CLCN1: variants seen among roughly 807,000 people sequenced by gnomAD.
CLCN1 encodes chloride voltage-gated channel 1.
A neutral mutation model predicts 114.5 loss-of-function variants in CLCN1; 100 were observed. The observed-to-expected ratio is 0.87, with a 90% confidence interval of 0.74 to 1.03. The LOEUF (loss-of-function observed/expected upper bound fraction) is 1.03. Ranked by LOEUF, CLCN1 falls within the 50% of genes least tolerant of loss-of-function variation. CLCN1 has a pLI of 0.00. For synonymous variants in CLCN1, 485 were observed against 487.1 expected, an observed-to-expected ratio of 1.00 and a Z score of 0.06; for missense variants, 1,188 against 1,250.0, an observed-to-expected ratio of 0.95 and a Z score of 0.75.
chr7:143,343,479 T>C (rs1803141148), intron 16 of CLCN1, among the ~76,000 whole-genome samples: 2 of 152,238 alleles, frequency 1.3e-5, no homozygotes, highest in Non-Finnish European at 2.9e-5. Flanking sequence ...TCTTTGTTGC[T>C]CTTTGCATGT....
rs139659129 is a variant in CLCN1 at position 143,351,832 on chromosome 7, G to T, written c.2834G>T (p.Gly945Val). The T allele has an allele frequency of 1.7e-4, 271 of 1,613,954 alleles. 1 individual carries two copies. In the African/African-American group the frequency reaches 2.9e-3, roughly 17 times the overall value. The change falls in exon 23 of 23, where the codon GGC becomes GTC. Residue 945 changes from glycine (G) to valine (V), a missense_variant. Physicochemically the swap from Gly to Val is moderately radical, Grantham distance 109. Transcript: ENST00000343257. ...SPEPPLSLAP[G>V]KVEGELEELE... The stretch of plus-strand genomic sequence containing the variant: ...GAGCCCCCTCTCTCCCTGGCCCCAG[G>T]CAAGGTAGAGGGCGAGTTGGAGGAG...
chr7:143,346,956 A>G lies in CLCN1; in HGVS notation c.2403+7A>G. The stretch of plus-strand genomic sequence containing the variant: ...TAACATGTCACCTGAAGAGGTGAGT[A>G]AGGGAAATGGAAACCTGGGGTGGAT... On this transcript the variant is annotated splice_region_variant and intron_variant, in intron 20 of 22. Coordinates refer to ENST00000343257, the MANE Select transcript of CLCN1 (RefSeq NM_000083.3). 1 of 1,610,420 alleles carries G rather than the reference A, an allele frequency of 6.2e-7. No individual in the cohort carries two copies. The highest frequency in any genetic ancestry group is 1.1e-5 in the South Asian group (1 of 90,996).
In CLCN1 at chr7:143,316,265, G is replaced by A. The variant is rs774525961; in HGVS notation, c.53G>A (p.Ser18Asn). The A allele has an allele frequency of 1.2e-6, 2 of 1,613,158 alleles. No homozygotes were observed. Among genetic ancestry groups the A allele is most frequent in the Non-Finnish European group, 1.7e-6 (2 of 1,179,330 alleles). ...GGGGGTGAACAAAGCTGGTGGGGTA[G>A]TGACCCCCAGTACCAGTATATGCCC... Reference protein sequence around the residue: ...QRGGEQSWWGSDPQYQYMPFE... With the variant: ...QRGGEQSWWGNDPQYQYMPFE... The change falls in exon 1 of 23, where the codon AGT becomes AAT. Residue 18 changes from serine to asparagine, a missense_variant. By Grantham distance (46) the Ser-to-Asn change is conservative (BLOSUM62 1). Transcript: ENST00000343257.
At chr7:143,346,334 A>G in intron 18 of CLCN1, 83 bp downstream of exon 18, 3 of 694,174 alleles carry the variant, frequency 4.3e-6, no homozygotes, top group South Asian at 1.4e-5. Context: ...CCTGCATGCA[A>G]TTCCTATGCG....
At position 143,334,199 on chromosome 7, in the gene CLCN1, G is replaced by T. The variant is rs144640236; in HGVS notation, c.1401+1326G>T. 3.0e-3 allele frequency among the ~76,000 whole-genome samples: 442 copies of T among 149,188 alleles called. 2 individuals carry two copies. The highest frequency in any genetic ancestry group is 0.01 in the Middle Eastern group (3 of 286). Reference sequence around the variant, plus strand: ...TTGCACTCCAGCCTGGGCGACAAGGGCAACACTCCTCAAGAAAAAAAAAAA... The same window carrying T: ...TTGCACTCCAGCCTGGGCGACAAGGTCAACACTCCTCAAGAAAAAAAAAAA... On this transcript the variant is annotated intron_variant, in intron 12 of 22. Transcript: ENST00000343257.
Position 143,324,361 on chromosome 7 carries a change from C to T in CLCN1, c.775-53C>T, listed in dbSNP as rs1802524653. The T allele has an allele frequency of 1.5e-6, 2 of 1,359,940 alleles. No homozygotes were observed. Among genetic ancestry groups the T allele is most frequent in the African/African-American group, 1.4e-5 (1 of 69,760 alleles). The allele number at this position is 1,359,940 out of a possible 1,614,324, so 84.2% of individuals were successfully genotyped here. ...CATCCCTGCTTGTTCTGTCCTCTGC[C>T]TGCCCACCTCCCTCTCTTCCACCTG... On this transcript the variant is annotated intron_variant, in intron 6 of 22. Coordinates refer to ENST00000343257, the MANE Select transcript of CLCN1 (RefSeq NM_000083.3). The surrounding 1 kb of genome is among the most constrained non-coding windows in gnomAD (Gnocchi z 4.6).
chr7:143,351,634 A>G lies in CLCN1; in HGVS notation c.2636A>G (p.Gln879Arg). The G allele has an allele frequency of 6.2e-7, 1 of 1,614,100 alleles. No individual in the cohort carries two copies. The highest frequency in any genetic ancestry group is 8.5e-7 in the Non-Finnish European group (1 of 1,180,016). The change falls in exon 23 of 23, where the codon CAG (glutamine) becomes CGG (arginine). Residue 879 changes from glutamine to arginine, a missense_variant. Transcript: ENST00000343257. ...GAGGGGCACACCAAGTCTGGGGTGC[A>G]GCTCCGCCCTCCCCTTGCCAGCTTC... ...AIEGHTKSGVQLRPPLASFRN... is the reference protein window; with the variant it reads ...AIEGHTKSGVRLRPPLASFRN...
At position 143,316,370 on chromosome 7, in the gene CLCN1, G is replaced by A. The variant is rs750107386; in HGVS notation, c.158G>A (p.Arg53His). 1.2e-5 allele frequency: 19 copies of A among 1,612,912 alleles called. No individual in the cohort carries two copies. Among genetic ancestry groups the A allele is most frequent in the African/African-American group, 2.7e-5 (2 of 74,902 alleles). ...QHRLRKDAGP[R>H]HNVHPTQIYG... ...AGGCTCCGGAAGGATGCAGGCCCCC[G>A]CCACAACGTCCACCCCACACAGGTA... The change falls in exon 1 of 23, where the codon CGC becomes CAC. Residue 53 changes from arginine to histidine, a missense_variant. Transcript: ENST00000343257.
At chr7:143,344,940 G>C (rs1469992751) in intron 16 of CLCN1, among the ~76,000 whole-genome samples, 1 of 151,490 alleles carries the variant, frequency 6.6e-6, no homozygotes, top group Non-Finnish European at 1.5e-5. Context: ...TGGTAGAGAC[G>C]GGGTTTCACC....
At position 143,319,735 on chromosome 7, in the gene CLCN1, A is replaced by G. The variant is rs778162089; in HGVS notation, c.181-20A>G. 3.7e-6 allele frequency: 6 copies of G among 1,613,588 alleles called. No homozygotes were observed. The highest frequency in any genetic ancestry group is 3.4e-6 in the Non-Finnish European group (4 of 1,179,542). The stretch of plus-strand genomic sequence containing the variant: ...TTAGTCTTCCACAAGGCAGACACTG[A>G]TCATTCTCTCTCTGTCCAGATTTAT... On this transcript the variant is annotated intron_variant, in intron 1 of 22. Transcript: ENST00000343257.
intron 16 of CLCN1, among the ~76,000 whole-genome samples, 186 bp downstream of exon 16, chr7:143,342,691 T>A (rs908377513): frequency 5.3e-5 from 8 of 152,054 alleles, no homozygotes; most frequent in Non-Finnish European, 7.4e-5. Flanking sequence ...TAAAAGGTCC[T>A]GGCATGGTGG....
intron 12 of CLCN1, among the ~76,000 whole-genome samples, chr7:143,333,234 G>A (rs964562892): frequency 6.6e-6 from 1 of 152,120 alleles, no homozygotes; most frequent in African/African-American, 2.4e-5. Flanking sequence ...CTGGGAAGTG[G>A]AGGTTGTAGT....
At chr7:143,338,619 C>T (rs112058621) in intron 12 of CLCN1, among the ~76,000 whole-genome samples, 16,273 of 151,930 alleles carry the variant, frequency 0.11, 1,083 homozygotes, top group South Asian at 0.21. Context: ...AACCCCGTCT[C>T]TACTAAAAAT....
At chr7:143,325,880 A>C (rs753814341) in intron 7 of CLCN1, among the ~76,000 whole-genome samples, 1 of 152,252 alleles carries the variant, frequency 6.6e-6, no homozygotes, top group Non-Finnish European at 1.5e-5. Context: ...GGAAGAAAAA[A>C]TTCACAGATA....
Position 143,331,664 on chromosome 7 carries a change from CCCTTCT to C in CLCN1, c.1166+13_1166+18del. On this transcript the variant is annotated intron_variant, in intron 10 of 22. Transcript: ENST00000343257. ...TTTCTTGCTAAGCAGTGAGTCACTG[CCCTTCT>C]TTTGCCCTACCCATTTACTTTCTGG... 1 of 1,575,636 alleles carries C rather than the reference CCCTTCT, an allele frequency of 6.3e-7. No homozygotes were observed. Among genetic ancestry groups the C allele is most frequent in the Non-Finnish European group, 8.7e-7 (1 of 1,145,120 alleles).
intron 12 of CLCN1, among the ~76,000 whole-genome samples, chr7:143,335,652 A>G (rs1802857239): frequency 7.4e-6 from 1 of 135,686 alleles, no homozygotes; most frequent in Admixed American, 8.3e-5. Context: ...TTCTCAATTC[A>G]GCTGTTTTGT....
chr7:143,345,627 G>A lies in CLCN1; in HGVS notation c.2037G>A (p.Arg679=). Residue 679 remains arginine, a synonymous_variant, in exon 17 of 23, where the codon CGG becomes CGA. Transcript: ENST00000343257. ...TGCGCGCAGCCCAAGAGATGGCGCG[G>A]AAGTTGTCGGAGCTGCCTTACGACG... ...RRLRAAQEMA[R]KLSELPYDGK... 5 of 1,561,976 alleles carry A rather than the reference G, an allele frequency of 3.2e-6. No homozygotes were observed. Among genetic ancestry groups the A allele is most frequent in the Non-Finnish European group, 3.5e-6 (4 of 1,153,622 alleles).
At chr7:143,338,558 G>A (rs1802977275) in intron 12 of CLCN1, among the ~76,000 whole-genome samples, 1 of 152,128 alleles carries the variant, frequency 6.6e-6, no homozygotes, top group Non-Finnish European at 1.5e-5. Context: ...GGTAGAGGCA[G>A]GCAGATTGCC....
intron 12 of CLCN1, among the ~76,000 whole-genome samples, chr7:143,337,900 C>T (rs1802953480): frequency 7.2e-6 from 1 of 139,576 alleles, no homozygotes; most frequent in South Asian, 2.4e-4. Context: ...GATCTCAGCT[C>T]ACTGCAAGCT....
Sources: allele counts gnomAD v4.1 joint callset (sites outside exome capture counted in the v4.1 genomes callset), GRCh38; gene constraint gnomAD v4.1.1; non-coding constraint Gnocchi (gnomAD v3.1); transcripts MANE v1.5; gene names NCBI Gene and HGNC (gene_info 2026-07-23, HGNC 2026-07-21).